The following GABRB2 variants were observed in gnomAD, a reference collection of about 807,000 sequenced individuals.
The protein encoded by GABRB2 is gamma-aminobutyric acid type A receptor subunit beta2.
In GABRB2, 16 loss-of-function variants were observed where a neutral mutation model predicts 54.7. The ratio of observed to expected loss-of-function variants is 0.29; its 90% CI spans 0.20 to 0.44. The LOEUF (loss-of-function observed/expected upper bound fraction) is 0.44. GABRB2 is among the 20% of genes least tolerant of loss of function. The pLI is 1.00. For missense variants in GABRB2, 355 were observed against 644.0 expected (o/e 0.55, Z 4.86); for synonymous variants, 244 against 233.8 (o/e 1.04, Z -0.40).
chr5:161,503,210 G>A (rs1759501936), intron 3 of GABRB2, among the ~76,000 whole-genome samples: 1 of 151,728 alleles, frequency 6.6e-6, no homozygotes, highest in African/African-American at 2.4e-5. Context: ...ATGTATTCAA[G>A]GGAAAAGGAT....
intron 9 of GABRB2, among the ~76,000 whole-genome samples, chr5:161,296,332 T>C (rs960415928): frequency 2.0e-5 from 3 of 152,186 alleles, no homozygotes; most frequent in Middle Eastern, 3.2e-3. Flanking sequence ...ATTTGCAAAA[T>C]TTCCTTGGCC....
intron 3 of GABRB2, among the ~76,000 whole-genome samples, chr5:161,486,404 C>T (rs1220530854): frequency 1.3e-5 from 2 of 151,958 alleles, no homozygotes; most frequent in African/African-American, 2.4e-5. Context: ...ACATCTTGCC[C>T]ATTGACTCTA....
chr5:161,458,659 A>T (rs1758034183), intron 4 of GABRB2, among the ~76,000 whole-genome samples: 1 of 152,214 alleles, frequency 6.6e-6, no homozygotes, highest in Admixed American at 6.5e-5. Flanking sequence ...CTTTCTTTGT[A>T]ATCTTTGGCA....
intron 4 of GABRB2, among the ~76,000 whole-genome samples, chr5:161,423,384 C>T (rs1756906626): frequency 1.3e-5 from 2 of 152,098 alleles, no homozygotes; most frequent in Admixed American, 6.6e-5. Context: ...TTTGTGGTAA[C>T]CATGTGTCAA....
intron 3 of GABRB2, among the ~76,000 whole-genome samples, chr5:161,487,032 T>C (rs1758945994): frequency 6.6e-6 from 1 of 151,988 alleles, no homozygotes; most frequent in Non-Finnish European, 1.5e-5. Flanking sequence ...TACAAGTTCC[T>C]TATTCCATAG....
chr5:161,325,978 C>T (rs74745701), intron 9 of GABRB2, among the ~76,000 whole-genome samples: 4,209 of 152,092 alleles, frequency 0.028, 228 homozygotes, highest in African/African-American at 0.095. Flanking sequence ...CTCAGCCAAC[C>T]AACAAAAGAA....
intron 3 of GABRB2, among the ~76,000 whole-genome samples, chr5:161,497,185 C>T (rs988479820): frequency 6.6e-6 from 1 of 152,100 alleles, no homozygotes; most frequent in Non-Finnish European, 1.5e-5. Context: ...ATTGTTGAAA[C>T]TCACAGGTGA....
At chr5:161,546,243 G>C in intron 2 of GABRB2, 79 bp downstream of exon 2, 2 of 1,116,562 alleles carry the variant, frequency 1.8e-6, no homozygotes, top group South Asian at 2.5e-5. Flanking sequence ...CACAACTAGG[G>C]AGAGGGAAGA....
chr5:161,546,503 C>A, intron 1 of GABRB2, 64 bp downstream of exon 1: 1 of 1,567,068 alleles, frequency 6.4e-7, no homozygotes, highest in Non-Finnish European at 8.8e-7. Context: ...TCCCTGCTCA[C>A]AGAGGTATGC....
chr5:161,473,850 T>C (rs1238569509), intron 3 of GABRB2, among the ~76,000 whole-genome samples: 1 of 151,960 alleles, frequency 6.6e-6, no homozygotes, highest in Non-Finnish European at 1.5e-5. Flanking sequence ...CATTACAGAC[T>C]AGGAAATGTG....
Position 161,356,208 on chromosome 5 carries a change from G to A in GABRB2, c.542-19439C>T, listed in dbSNP as rs756838297. ...TTTAAGCAAATAGTAACTTGAATAC[G>A]CTAATTAGACAATGTGTTTTAAGAT... is the stretch of plus-strand genomic sequence containing the variant. On this transcript the variant is annotated intron_variant, in intron 5 of 9. Transcript: ENST00000393959. Among the ~76,000 whole-genome samples, 6 of 152,098 alleles carry A rather than the reference G, an allele frequency of 3.9e-5. No homozygotes were observed. The South Asian group carries it at 6.2e-4, about 16-fold the overall frequency.
intron 9 of GABRB2, among the ~76,000 whole-genome samples, chr5:161,317,532 T>C (rs1458487423): frequency 5.3e-5 from 8 of 152,110 alleles, no homozygotes; most frequent in Non-Finnish European, 1.5e-5. Context: ...ATGCAAAACA[T>C]GAAACAATAA....
intron 5 of GABRB2, among the ~76,000 whole-genome samples, chr5:161,365,723 C>A (rs1403267527): frequency 6.6e-6 from 1 of 152,120 alleles, no homozygotes; most frequent in Non-Finnish European, 1.5e-5. Context: ...ATGATTCTTT[C>A]CTTTGCCTGT....
At chr5:161,400,384 T>C (rs1363698) in intron 5 of GABRB2, among the ~76,000 whole-genome samples, 139,992 of 152,210 alleles carry the variant, frequency 0.92, 64,485 homozygotes, top group African/African-American at 0.98. Flanking sequence ...GCATTGCTGG[T>C]ACCTTTCCTG....
chr5:161,431,674 A>G (rs1757175573), intron 4 of GABRB2, among the ~76,000 whole-genome samples: 1 of 152,230 alleles, frequency 6.6e-6, no homozygotes, highest in Admixed American at 6.5e-5. Flanking sequence ...CACAGTCTTT[A>G]TACTTATTTC....
intron 3 of GABRB2, among the ~76,000 whole-genome samples, chr5:161,500,713 T>C (rs1010923114): frequency 6.6e-6 from 1 of 152,208 alleles, no homozygotes; most frequent in African/African-American, 2.4e-5. Flanking sequence ...TATTGATAAG[T>C]GAATTCCATT....
At chr5:161,419,019 C>T (rs1041622039) in intron 4 of GABRB2, among the ~76,000 whole-genome samples, 20 of 152,202 alleles carry the variant, frequency 1.3e-4, no homozygotes, top group Admixed American at 3.9e-4. Flanking sequence ...CCCAGCTACT[C>T]GGAAGGCTGA....
chr5:161,419,043 C>T (rs544042407), intron 4 of GABRB2, among the ~76,000 whole-genome samples: 102 of 152,284 alleles, frequency 6.7e-4, no homozygotes, highest in African/African-American at 2.3e-3. Context: ...GGGAGGATCA[C>T]CTGAGCCTTG....
chr5:161,511,924 G>T (rs1759782890), intron 3 of GABRB2, among the ~76,000 whole-genome samples: 1 of 151,960 alleles, frequency 6.6e-6, no homozygotes, highest in Non-Finnish European at 1.5e-5. Context: ...CTCATTCAGA[G>T]GAACTGGAAG....
Sources: allele counts gnomAD v4.1 joint callset (sites outside exome capture counted in the v4.1 genomes callset), GRCh38; gene constraint gnomAD v4.1.1; transcripts MANE v1.5; gene names NCBI Gene and HGNC (gene_info 2026-07-23, HGNC 2026-07-21).